Variants in STXBP5 observed in about 807,000 individuals in gnomAD.
STXBP5 encodes syntaxin binding protein 5.
STXBP5 carries 50 observed loss-of-function variants against 152.4 expected under a neutral mutation model. That is an observed-to-expected ratio of 0.33 (90% CI 0.26 to 0.42). The LOEUF (loss-of-function observed/expected upper bound fraction) is 0.42, where lower values mean the gene tolerates loss of function less well. Among genes scored for constraint, STXBP5 ranks in the 10% least tolerant of loss-of-function variants. STXBP5 has a pLI of 1.00. For synonymous variants in STXBP5, 492 were observed against 494.7 expected, an observed-to-expected ratio of 0.99 and a Z score of 0.07; for missense variants, 1,167 against 1,388.6, an observed-to-expected ratio of 0.84 and a Z score of 2.54.
intron 8 of STXBP5, among the ~76,000 whole-genome samples, chr6:147,288,342 T>C (rs1781099485): frequency 6.6e-6 from 1 of 152,154 alleles, no homozygotes; most frequent in South Asian, 2.1e-4. Flanking sequence ...CCAAGAAAAC[T>C]TCAGTCCTCT....
At chr6:147,330,049 A>C (rs933709291) in intron 18 of STXBP5, among the ~76,000 whole-genome samples, 12 of 152,250 alleles carry the variant, frequency 7.9e-5, no homozygotes, top group African/African-American at 2.9e-4. Flanking sequence ...GTTTAGGCTA[A>C]GTTTAAATGT....
At chr6:147,293,852 A>C (rs1781393995) in intron 9 of STXBP5, among the ~76,000 whole-genome samples, 1 of 152,158 alleles carries the variant, frequency 6.6e-6, no homozygotes, top group African/African-American at 2.4e-5. Context: ...TTAAACATTC[A>C]CCTCAGTGAA....
At chr6:147,314,367 A>G (rs1213744919) in intron 13 of STXBP5, 36 bp downstream of exon 13, 2 of 1,540,194 alleles carry the variant, frequency 1.3e-6, no homozygotes, top group East Asian at 4.5e-5. Flanking sequence ...GTAAATCTAT[A>G]ATAGCTAAAT....
At chr6:147,284,582 G>A (rs1780866836) in intron 8 of STXBP5, among the ~76,000 whole-genome samples, 1 of 152,210 alleles carries the variant, frequency 6.6e-6, no homozygotes, top group African/African-American at 2.4e-5. Context: ...AAAGGTGTTG[G>A]ACTATTTCAC....
intron 26 of STXBP5, among the ~76,000 whole-genome samples, chr6:147,376,437 G>C (rs1308931489): frequency 1.3e-5 from 2 of 152,130 alleles, no homozygotes; most frequent in Non-Finnish European, 2.9e-5. Flanking sequence ...CATAAAGCAT[G>C]GTAGATTTAG....
chr6:147,264,626 AT>A (rs1779801038), intron 6 of STXBP5, among the ~76,000 whole-genome samples: 1 of 152,136 alleles, frequency 6.6e-6, no homozygotes, highest in Non-Finnish European at 1.5e-5. Flanking sequence ...ATACACACTA[AT>A]GCTTTTTCAA....
Position 147,310,116 on chromosome 6 carries a change from C to A in STXBP5, c.950C>A (p.Ser317Ter). Reference sequence around the variant, plus strand: ...TTTATTATTTTATCAGGAGGTTTGTCATATGATACTGTAGGAAGAAGACCT... The same window carrying A: ...TTTATTATTTTATCAGGAGGTTTGTAATATGATACTGTAGGAAGAAGACCT... Reference protein sequence around the residue: ...EPFIILSGGLSYDTVGRRPCL... With the variant: ...EPFIILSGGL The change falls in exon 10 of 28, where the codon TCA becomes TAA. Residue 317 changes from serine to a stop codon, truncating the protein, a stop_gained. Coordinates refer to ENST00000321680, the MANE Select transcript of STXBP5 (RefSeq NM_001127715.4). LOFTEE classifies it high-confidence loss of function. 1 of 1,573,792 alleles carries A rather than the reference C, an allele frequency of 6.4e-7. No individual in the cohort carries two copies. Among genetic ancestry groups the A allele is most frequent in the South Asian group, 1.2e-5 (1 of 83,272 alleles).
chr6:147,360,017 A>G (rs1784993589), intron 23 of STXBP5, among the ~76,000 whole-genome samples: 1 of 152,260 alleles, frequency 6.6e-6, no homozygotes, highest in African/African-American at 2.4e-5. Flanking sequence ...AAAGGAAGAC[A>G]TTTATGCAGC....
chr6:147,345,653 G>T (rs1378984727), intron 21 of STXBP5, among the ~76,000 whole-genome samples: 1 of 151,842 alleles, frequency 6.6e-6, no homozygotes, highest in Non-Finnish European at 1.5e-5. Flanking sequence ...TTACCTTTAC[G>T]TTATTTTTTA....
At chr6:147,225,311 A>G (rs2115111888) in intron 2 of STXBP5, among the ~76,000 whole-genome samples, 1 of 152,316 alleles carries the variant, frequency 6.6e-6, no homozygotes, top group East Asian at 1.9e-4. Flanking sequence ...CATAGAAAAT[A>G]TCATGATCCT....
At chr6:147,336,865 T>C (rs1651408330) in intron 19 of STXBP5, among the ~76,000 whole-genome samples, 2 of 152,206 alleles carry the variant, frequency 1.3e-5, no homozygotes, top group Admixed American at 1.3e-4. Context: ...GGGAAACTTT[T>C]TAGAAAACCT....
chr6:147,230,106 G>A (rs957311589), intron 2 of STXBP5, among the ~76,000 whole-genome samples: 1 of 151,796 alleles, frequency 6.6e-6, no homozygotes, highest in Non-Finnish European at 1.5e-5. Flanking sequence ...TTCTACACCC[G>A]TTGAGATATG....
At chr6:147,213,559 T>C (rs1480735540) in intron 2 of STXBP5, among the ~76,000 whole-genome samples, 1 of 151,914 alleles carries the variant, frequency 6.6e-6, no homozygotes, top group Non-Finnish European at 1.5e-5. Context: ...TTGCTGAGGC[T>C]GGTCCCCTGG....
At position 147,327,129 on chromosome 6, in the gene STXBP5, GT is replaced by G. The variant is rs1783303266; in HGVS notation, c.1938del (p.Phe646LeufsTer84). Reference protein sequence around the residue: ...LAVNSSYGLVVFGNCNGIAMV... With the variant: ...LAVNSSYGLVXFGNCNGIAMV... ...TTGTTATTTTCCTATTCCCAGGGTG[GT>G]TTTTGGCAATTGCAATGGCATTGCT... On this transcript the variant is annotated frameshift_variant, in exon 18 of 28. Transcript: ENST00000321680. LOFTEE classifies it high-confidence loss of function. The G allele has an allele frequency of 1.2e-6, 2 of 1,604,890 alleles. No homozygotes were observed. Among genetic ancestry groups the G allele is most frequent in the Admixed American group, 3.5e-5 (2 of 57,342 alleles).
chr6:147,324,090 G>T (rs1044922270), intron 16 of STXBP5, among the ~76,000 whole-genome samples: 1 of 152,098 alleles, frequency 6.6e-6, no homozygotes, highest in Non-Finnish European at 1.5e-5. Context: ...GAGTCTCTGC[G>T]AACAAAAATA....
intron 26 of STXBP5, among the ~76,000 whole-genome samples, chr6:147,375,147 T>G (rs1785748209): frequency 6.6e-6 from 1 of 152,060 alleles, no homozygotes; most frequent in South Asian, 2.1e-4. Flanking sequence ...CAGAAACCAC[T>G]CATAGATAAC....
intron 19 of STXBP5, 39 bp from the exon 20 acceptor site, chr6:147,339,140 A>C: frequency 6.7e-7 from 1 of 1,497,206 alleles, no homozygotes; most frequent in South Asian, 1.3e-5. Context: ...TTTATGACTG[A>C]CCATCTACCT....
At chr6:147,364,209 T>A in intron 25 of STXBP5, 43 bp downstream of exon 25, 1 of 1,567,140 alleles carries the variant, frequency 6.4e-7, no homozygotes, top group Non-Finnish European at 8.7e-7. Flanking sequence ...AGAGGTAAAG[T>A]ATTCTCTGAG....
At chr6:147,337,448 A>G (rs535165959) in intron 19 of STXBP5, among the ~76,000 whole-genome samples, 10 of 152,076 alleles carry the variant, frequency 6.6e-5, no homozygotes, top group Non-Finnish European at 1.5e-4. Context: ...ATGAGCTGTC[A>G]CAGAAGTTAT....
Sources: gnomAD v4.1 joint callset for allele counts (sites outside exome capture counted in the v4.1 genomes callset) on GRCh38, gnomAD v4.1.1 for gene constraint, MANE v1.5 for transcripts, NCBI Gene and HGNC (gene_info 2026-07-23, HGNC 2026-07-21) for gene names.